ATRNL1: variants seen among roughly 807,000 people sequenced by gnomAD.
The protein encoded by ATRNL1 is attractin-like protein 1.
Under a neutral mutation model 182.7 loss-of-function variants are expected in ATRNL1, and 95 were observed. That is an observed-to-expected ratio of 0.52 (90% CI 0.44 to 0.62). The LOEUF is 0.62. Ranked by LOEUF, ATRNL1 falls within the 20% of genes least tolerant of loss-of-function variation. ATRNL1 has a pLI of 0.00. For synonymous variants in ATRNL1, 576 were observed against 568.3 expected, an observed-to-expected ratio of 1.01 and a Z score of -0.19; for missense variants, 1,471 against 1,679.5, an observed-to-expected ratio of 0.88 and a Z score of 2.17.
intron 7 of ATRNL1, among the ~76,000 whole-genome samples, chr10:115,168,976 G>C (rs1346823494): frequency 1.4e-5 from 2 of 144,708 alleles, no homozygotes; most frequent in Non-Finnish European, 3.0e-5. Flanking sequence ...GACCTATTTT[G>C]AGTTAAGTTT....
chr10:115,152,783 G>A (rs1846302318), intron 5 of ATRNL1, among the ~76,000 whole-genome samples: 1 of 152,116 alleles, frequency 6.6e-6, no homozygotes, highest in African/African-American at 2.4e-5. Context: ...GGGCATCCCT[G>A]TCTTGTGCCC....
intron 28 of ATRNL1, among the ~76,000 whole-genome samples, chr10:115,941,702 G>T (rs1555124311): frequency 6.6e-6 from 1 of 152,160 alleles, no homozygotes; most frequent in East Asian, 1.9e-4. Context: ...ATAGCAGGAA[G>T]TTGTAAATAA....
intron 19 of ATRNL1, among the ~76,000 whole-genome samples, chr10:115,376,692 CAG>C (rs1857690562): frequency 6.6e-6 from 1 of 152,128 alleles, no homozygotes; most frequent in Non-Finnish European, 1.5e-5. Flanking sequence ...TATTTTGTCA[CAG>C]AGTATTTTTT....
intron 21 of ATRNL1, among the ~76,000 whole-genome samples, chr10:115,453,302 G>A (rs1213497586): frequency 1.3e-5 from 2 of 151,738 alleles, no homozygotes; most frequent in East Asian, 3.9e-4. Flanking sequence ...GCACCAATTT[G>A]CATTCCCATA....
intron 24 of ATRNL1, among the ~76,000 whole-genome samples, chr10:115,513,794 A>G (rs1592766714): frequency 6.6e-6 from 1 of 152,028 alleles, no homozygotes; most frequent in African/African-American, 2.4e-5. Context: ...CGGGTGGAGG[A>G]ACATTTTGAA....
chr10:115,135,983 G>A (rs570900787), intron 5 of ATRNL1, among the ~76,000 whole-genome samples: 91 of 151,716 alleles, frequency 6.0e-4, no homozygotes, highest in African/African-American at 1.9e-3. Flanking sequence ...CTCAGCCTCC[G>A]GAGTAGCTGG....
Position 115,396,197 on chromosome 10 carries a change from A to G in ATRNL1, c.3269+1445A>G, listed in dbSNP as rs572971114. On this transcript the variant is annotated intron_variant, in intron 20 of 28. Coordinates refer to ENST00000355044, the MANE Select transcript of ATRNL1 (RefSeq NM_207303.4). ...CACAATCAGTTTTTATTCCTTCTCTATAGTCTGAAGTTAAATACAAGTTCA... is the reference window on the plus strand; with the variant it reads ...CACAATCAGTTTTTATTCCTTCTCTGTAGTCTGAAGTTAAATACAAGTTCA... Among the ~76,000 whole-genome samples, 5 of 152,054 alleles carry G rather than the reference A, an allele frequency of 3.3e-5. No homozygotes were observed. The East Asian group carries it at 7.7e-4, about 23-fold the overall frequency.
At chr10:115,870,996 A>G (rs782372756) in intron 28 of ATRNL1, among the ~76,000 whole-genome samples, 4 of 152,234 alleles carry the variant, frequency 2.6e-5, no homozygotes, top group Non-Finnish European at 4.4e-5. Context: ...AATTAACTTT[A>G]GCAGAGGAAG....
intron 19 of ATRNL1, among the ~76,000 whole-genome samples, chr10:115,360,152 GA>G (rs1272834243): frequency 1.3e-5 from 2 of 150,742 alleles, no homozygotes; most frequent in Admixed American, 6.6e-5. Flanking sequence ...TACCCAAAAA[GA>G]AAAAAATAAC....
intron 19 of ATRNL1, among the ~76,000 whole-genome samples, chr10:115,335,708 T>A (rs1209668359): frequency 1.3e-5 from 2 of 152,236 alleles, no homozygotes; most frequent in African/African-American, 4.8e-5. Flanking sequence ...CTGATGCATA[T>A]CCTCCTGTGT....
intron 26 of ATRNL1, among the ~76,000 whole-genome samples, chr10:115,701,707 G>C (rs570390568): frequency 2.6e-5 from 4 of 152,050 alleles, no homozygotes; most frequent in African/African-American, 9.6e-5. Context: ...AGAGAAAATT[G>C]ATAAATTTCT....
chr10:115,180,898 T>C (rs181408695), intron 8 of ATRNL1, among the ~76,000 whole-genome samples: 2 of 152,066 alleles, frequency 1.3e-5, no homozygotes, highest in East Asian at 3.9e-4. Flanking sequence ...TAGTTTAGGC[T>C]TTGTATCCTA....
chr10:115,737,132 G>T (rs1479788871), intron 27 of ATRNL1, among the ~76,000 whole-genome samples: 1 of 151,834 alleles, frequency 6.6e-6, no homozygotes, highest in Middle Eastern at 3.2e-3. Context: ...GCATTAAAAG[G>T]TATACTTCAT....
intron 25 of ATRNL1, among the ~76,000 whole-genome samples, chr10:115,544,831 G>A (rs192823411): frequency 2.6e-5 from 4 of 152,174 alleles, no homozygotes; most frequent in South Asian, 2.1e-4. Flanking sequence ...CAATAAAGAC[G>A]GAGACTCTCT....
At chr10:115,471,808 G>A (rs1237721825) in intron 24 of ATRNL1, among the ~76,000 whole-genome samples, 2 of 150,892 alleles carry the variant, frequency 1.3e-5, no homozygotes, top group Non-Finnish European at 3.0e-5. Context: ...TTTTCAGTTT[G>A]TTGATTGTTT....
intron 26 of ATRNL1, among the ~76,000 whole-genome samples, chr10:115,653,768 G>A (rs532265802): frequency 3.3e-5 from 5 of 152,206 alleles, no homozygotes; most frequent in Admixed American, 2.6e-4. Context: ...CAAATATTGT[G>A]TCTTATTTAT....
intron 21 of ATRNL1, among the ~76,000 whole-genome samples, chr10:115,444,736 G>A (rs1846872394): frequency 1.3e-5 from 2 of 151,144 alleles, no homozygotes; most frequent in South Asian, 2.1e-4. Context: ...TATTTTTGAG[G>A]TGGATAGAGC....
chr10:115,612,048 C>T (rs1283713431), intron 26 of ATRNL1, among the ~76,000 whole-genome samples: 4 of 151,992 alleles, frequency 2.6e-5, no homozygotes, highest in Non-Finnish European at 5.9e-5. Flanking sequence ...GTTAGGAGTT[C>T]GAGACCAGCC....
chr10:115,300,038 T>C lies in ATRNL1; in HGVS notation c.2420T>C (p.Val807Ala), dbSNP rs1853396964. 1.2e-6 allele frequency: 2 copies of C among 1,609,092 alleles called. No individual in the cohort carries two copies. The highest frequency in any genetic ancestry group is 2.7e-5 in the African/African-American group (2 of 74,842). The change falls in exon 16 of 29, where the codon GTA becomes GCA. Residue 807 changes from valine to alanine, a missense_variant. Physicochemically the swap from Val to Ala is moderately conservative, Grantham distance 64. Coordinates refer to ENST00000355044, the MANE Select transcript of ATRNL1 (RefSeq NM_207303.4). ...DEIQKYTQQKVSPWVGLRKIN... is the reference protein window; with the variant it reads ...DEIQKYTQQKASPWVGLRKIN... ...CCCTTTTCCTGTTGTTTACAGAAAG[T>C]ATCACCTTGGGTAGGCTTGCGCAAG...
Sources: gnomAD v4.1 joint callset for allele counts (sites outside exome capture counted in the v4.1 genomes callset) on GRCh38, gnomAD v4.1.1 for gene constraint, MANE v1.5 for transcripts, NCBI Gene and HGNC (gene_info 2026-07-23, HGNC 2026-07-21) for gene names.